CYP39A1: variants seen among roughly 807,000 people sequenced by gnomAD.
CYP39A1 encodes the protein 24-hydroxycholesterol 7-alpha-hydroxylase.
In CYP39A1, 49 loss-of-function variants were observed where a neutral mutation model predicts 58.1. That is an observed-to-expected ratio of 0.84 (90% CI 0.67 to 1.07). The LOEUF (loss-of-function observed/expected upper bound fraction) is 1.07, where lower values mean the gene tolerates loss of function less well. Ranked by LOEUF, CYP39A1 falls within the 50% of genes least tolerant of loss-of-function variation. The pLI is 0.00. For synonymous variants in CYP39A1, 209 were observed against 187.6 expected, an observed-to-expected ratio of 1.11 and a Z score of -0.93; for missense variants, 531 against 539.4, an observed-to-expected ratio of 0.98 and a Z score of 0.16.
intron 6 of CYP39A1, among the ~76,000 whole-genome samples, chr6:46,627,370 CA>C: frequency 6.6e-6 from 1 of 152,160 alleles, no homozygotes; most frequent in East Asian, 1.9e-4. Context: ...TTTTAAATGA[CA>C]AACATAAGCA....
intron 7 of CYP39A1, among the ~76,000 whole-genome samples, chr6:46,609,878 T>C (rs967001854): frequency 6.6e-6 from 1 of 152,260 alleles, no homozygotes; most frequent in Non-Finnish European, 1.5e-5. Context: ...TGCACACGTT[T>C]ATTATTATAC....
At chr6:46,562,169 C>A (rs1300162392) in intron 10 of CYP39A1, among the ~76,000 whole-genome samples, 1 of 152,146 alleles carries the variant, frequency 6.6e-6, no homozygotes, top group African/African-American at 2.4e-5. Flanking sequence ...ATTACAGGCA[C>A]CTGCCACCAC....
intron 7 of CYP39A1, among the ~76,000 whole-genome samples, chr6:46,601,757 G>C (rs1773522168): frequency 6.6e-6 from 1 of 151,410 alleles, no homozygotes; most frequent in African/African-American, 2.4e-5. Flanking sequence ...CTGACCTCAG[G>C]TGATCCGCCC....
intron 10 of CYP39A1, among the ~76,000 whole-genome samples, chr6:46,564,143 C>T (rs188715010): frequency 0.082 from 7,772 of 95,200 alleles, 667 homozygotes; most frequent in African/African-American, 0.25. Context: ...TTATTCTATT[C>T]TATTTTATTC....
intron 6 of CYP39A1, among the ~76,000 whole-genome samples, chr6:46,628,294 G>A (rs1317387104): frequency 1.3e-5 from 2 of 152,118 alleles, no homozygotes; most frequent in African/African-American, 4.8e-5. Context: ...AAAAATGAAC[G>A]AAATGTACAA....
chr6:46,628,613 T>C (rs1348287838), intron 6 of CYP39A1, among the ~76,000 whole-genome samples: 1 of 152,192 alleles, frequency 6.6e-6, no homozygotes, highest in African/African-American at 2.4e-5. Flanking sequence ...GCCTGAGCTC[T>C]GAGTCCTATG....
At chr6:46,592,467 A>G (rs1328971320) in intron 8 of CYP39A1, among the ~76,000 whole-genome samples, 2 of 152,198 alleles carry the variant, frequency 1.3e-5, no homozygotes. Flanking sequence ...ATGAATTTAT[A>G]CTAAGGAAAT....
chr6:46,613,939 C>CAAA (rs34289054), intron 7 of CYP39A1, among the ~76,000 whole-genome samples: 70 of 121,096 alleles, frequency 5.8e-4, no homozygotes, highest in African/African-American at 1.9e-3. Context: ...CACAAAGAAG[C>CAAA]AAAAAAAAAA....
In CYP39A1 at chr6:46,623,045, T is replaced by C. The variant is rs538423613; in HGVS notation, c.931+2373A>G. Among the ~76,000 whole-genome samples, 11 of 152,300 alleles carry C rather than the reference T, an allele frequency of 7.2e-5. No individual in the cohort carries two copies. The South Asian group carries it at 2.1e-3, about 29-fold the overall frequency. On this transcript the variant is annotated intron_variant, in intron 7 of 11. Coordinates refer to ENST00000275016, the MANE Select transcript of CYP39A1 (RefSeq NM_016593.5). ...GTGTTGAAGCCACAGAGATACAGCATTGGAAATTCATAAAAGACTTTCCCA... is the reference window on the plus strand; with the variant it reads ...GTGTTGAAGCCACAGAGATACAGCACTGGAAATTCATAAAAGACTTTCCCA...
At chr6:46,642,360 C>G in intron 1 of CYP39A1, 62 bp from the exon 2 acceptor site, 2 of 1,479,956 alleles carry the variant, frequency 1.4e-6, no homozygotes, top group Non-Finnish European at 1.8e-6. Context: ...TAAGACCATT[C>G]TCCTCAAGAA....
intron 10 of CYP39A1, among the ~76,000 whole-genome samples, chr6:46,585,706 A>AAGGACACTTATTATCTAACATAAC (rs1772435502): frequency 6.6e-6 from 1 of 152,150 alleles, no homozygotes; most frequent in Non-Finnish European, 1.5e-5. Flanking sequence ...CTTAAAAAGT[A>AAGGACACTTATTATCTAACATAAC]AGGACACTTA....
chr6:46,618,306 T>A (rs1200698181), intron 7 of CYP39A1, among the ~76,000 whole-genome samples: 1 of 152,170 alleles, frequency 6.6e-6, no homozygotes, highest in East Asian at 1.9e-4. Flanking sequence ...ACACCATTAA[T>A]AAGTGTCTCC....
intron 1 of CYP39A1, among the ~76,000 whole-genome samples, chr6:46,643,564 G>A (rs1237644815): frequency 6.6e-6 from 1 of 152,180 alleles, no homozygotes; most frequent in African/African-American, 2.4e-5. Flanking sequence ...CATTGTTAAA[G>A]TTTTGTTCAA....
At chr6:46,577,196 G>A (rs1446505241) in intron 10 of CYP39A1, among the ~76,000 whole-genome samples, 1 of 152,108 alleles carries the variant, frequency 6.6e-6, no homozygotes, top group African/African-American at 2.4e-5. Flanking sequence ...CATAAGCAAA[G>A]GAGAAATAAA....
chr6:46,585,500 CT>C (rs1202044722), intron 10 of CYP39A1, among the ~76,000 whole-genome samples: 2 of 152,050 alleles, frequency 1.3e-5, no homozygotes, highest in African/African-American at 4.8e-5. Context: ...TTAAGAACTG[CT>C]TCTCTAAAGT....
rs553525777 is a variant in CYP39A1 at position 46,592,666 on chromosome 6, A to C, written c.1065+3321T>G. Among the ~76,000 whole-genome samples, 9 of 151,264 alleles carry C rather than the reference A, an allele frequency of 5.9e-5. No individual in the cohort carries two copies. The South Asian group carries it at 1.9e-3, about 32-fold the overall frequency. On this transcript the variant is annotated intron_variant, in intron 8 of 11. Coordinates refer to ENST00000275016, the MANE Select transcript of CYP39A1 (RefSeq NM_016593.5). The stretch of plus-strand genomic sequence containing the variant: ...GTAGATGTGTTTTATTAAAACAGAA[A>C]ACTTTTCAGCTGAGCGTGGTCGTTT...
chr6:46,609,658 T>G (rs1250290156), intron 7 of CYP39A1, among the ~76,000 whole-genome samples: 39 of 152,128 alleles, frequency 2.6e-4, no homozygotes, highest in Admixed American at 2.2e-3. Flanking sequence ...GACACATATG[T>G]AAAATATAAG....
At chr6:46,552,129 T>G (rs1010120551) in intron 11 of CYP39A1, among the ~76,000 whole-genome samples, 5 of 152,240 alleles carry the variant, frequency 3.3e-5, no homozygotes, top group Admixed American at 3.3e-4. Context: ...CTAATCTCCA[T>G]GGTTTTAACC....
chr6:46,639,564 T>C lies in CYP39A1; in HGVS notation c.418A>G (p.Thr140Ala). ...VNLHQFTGQL[T>A]EELHEQLENL... ...TCCAGTTGTTCATGTAATTCTTCAG[T>C]CAGTTGCCCAGTAAACTGATGGAGA... Residue 140 changes from threonine (T) to alanine (A), a missense_variant, in exon 3 of 12, where the codon ACT becomes GCT. Transcript: ENST00000275016. The C allele has an allele frequency of 1.2e-6, 2 of 1,614,170 alleles. No homozygotes were observed. The highest frequency in any genetic ancestry group is 1.7e-6 in the Non-Finnish European group (2 of 1,180,012).
Sources: gnomAD v4.1 joint callset for allele counts (sites outside exome capture counted in the v4.1 genomes callset) on GRCh38, gnomAD v4.1.1 for gene constraint, MANE v1.5 for transcripts, NCBI Gene and HGNC (gene_info 2026-07-23, HGNC 2026-07-21) for gene names.